The following GADL1 variants were observed in gnomAD, a reference collection of about 807,000 sequenced individuals.
The protein encoded by GADL1 is acidic amino acid decarboxylase GADL1.
Under a neutral mutation model 69.5 loss-of-function variants are expected in GADL1, and 71 were observed. The ratio of observed to expected loss-of-function variants is 1.02; its 90% CI spans 0.84 to 1.25. The LOEUF is 1.25. Ranked by LOEUF, GADL1 falls within the 50% of genes most tolerant of loss-of-function variation. The pLI is 0.00. For synonymous variants in GADL1, 254 were observed against 214.4 expected, an observed-to-expected ratio of 1.18 and a Z score of -1.62; for missense variants, 737 against 631.8, an observed-to-expected ratio of 1.17 and a Z score of -1.79.
At chr3:30,817,511 T>C (rs985250678) in intron 11 of GADL1, among the ~76,000 whole-genome samples, 2 of 152,170 alleles carry the variant, frequency 1.3e-5, no homozygotes, top group African/African-American at 4.8e-5. Flanking sequence ...TCTTTCAAAA[T>C]TGGGAAATGA....
At chr3:30,756,545 A>ATTTGC (rs1695975028) in intron 14 of GADL1, among the ~76,000 whole-genome samples, 1 of 152,128 alleles carries the variant, frequency 6.6e-6, no homozygotes. Context: ...TGGTCTTGGA[A>ATTTGC]TTTGCTTTGG....
chr3:30,758,244 C>T (rs1376312102), intron 14 of GADL1, among the ~76,000 whole-genome samples: 3 of 152,172 alleles, frequency 2.0e-5, no homozygotes, highest in African/African-American at 7.2e-5. Flanking sequence ...TTGCATGCAC[C>T]AAGTATGTAT....
rs574394133 is a variant in GADL1 at position 30,811,445 on chromosome 3, T to C, written c.1051-10357A>G. Among the ~76,000 whole-genome samples the C allele has an allele frequency of 2.6e-5, 4 of 152,296 alleles. No homozygotes were observed. In the East Asian group the frequency reaches 7.7e-4, roughly 29 times the overall value. On this transcript the variant is annotated intron_variant, in intron 11 of 14. Coordinates refer to ENST00000282538, the MANE Select transcript of GADL1 (RefSeq NM_207359.3). ...AAAATAGTACAATCGGTCTTCTCTC[T>C]TAGGACAGATGGAGATTTTTCGATT...
chr3:30,837,329 C>CACAATACAAT (rs1380355998), intron 9 of GADL1, among the ~76,000 whole-genome samples: 2 of 152,014 alleles, frequency 1.3e-5, no homozygotes, highest in African/African-American at 4.8e-5. Context: ...ATTTGACACC[C>CACAATACAAT]ACAATACTAA....
intron 1 of GADL1, among the ~76,000 whole-genome samples, chr3:30,883,821 A>G (rs982340044): frequency 6.6e-6 from 1 of 151,914 alleles, no homozygotes; most frequent in African/African-American, 2.4e-5. Flanking sequence ...TCTTTTAGCA[A>G]TATTTTGTAG....
At chr3:30,855,683 C>T (rs550464476) in intron 3 of GADL1, among the ~76,000 whole-genome samples, 5 of 152,070 alleles carry the variant, frequency 3.3e-5, no homozygotes, top group African/African-American at 9.6e-5. Flanking sequence ...ACCATACACC[C>T]GGCTAACTGG....
chr3:30,828,937 T>C (rs1182656630), intron 11 of GADL1, among the ~76,000 whole-genome samples: 1 of 151,958 alleles, frequency 6.6e-6, no homozygotes, highest in Non-Finnish European at 1.5e-5. Context: ...GAATCATTTA[T>C]ACTTAAAAGG....
chr3:30,763,573 C>T lies in GADL1; in HGVS notation c.1392+14606G>A, dbSNP rs892217698. 2.0e-5 allele frequency among the ~76,000 whole-genome samples: 3 copies of T among 151,790 alleles called. No homozygotes were observed. The East Asian group carries it at 5.8e-4, about 29-fold the overall frequency. On this transcript the variant is annotated intron_variant, in intron 14 of 14. Coordinates refer to ENST00000282538, the MANE Select transcript of GADL1 (RefSeq NM_207359.3). ...TTACACCTAACCTACCAAATATCAC[C>T]ACTTAGCCAAATCTACCTTAAATAT...
chr3:30,851,921 A>G (rs1698153196), intron 4 of GADL1, among the ~76,000 whole-genome samples: 1 of 122,698 alleles, frequency 8.2e-6, no homozygotes, highest in Non-Finnish European at 1.6e-5. Flanking sequence ...TGTAACAGTC[A>G]CCATGCCTTG....
At chr3:30,874,306 G>A (rs765706310) in intron 1 of GADL1, among the ~76,000 whole-genome samples, 23 of 151,914 alleles carry the variant, frequency 1.5e-4, no homozygotes, top group Non-Finnish European at 2.9e-4. Flanking sequence ...AAATGCAGGT[G>A]CCCTGAGGAA....
At chr3:30,734,124 T>C (rs1410855627) in intron 14 of GADL1, among the ~76,000 whole-genome samples, 2 of 152,232 alleles carry the variant, frequency 1.3e-5, no homozygotes, top group African/African-American at 2.4e-5. Context: ...TTTTCTGGTA[T>C]TTATCTCCAT....
intron 11 of GADL1, among the ~76,000 whole-genome samples, chr3:30,803,693 A>AATCC (rs1316195601): frequency 6.6e-6 from 1 of 152,226 alleles, no homozygotes; most frequent in Admixed American, 6.5e-5. Context: ...TTCCTAAAGA[A>AATCC]CAACTGGAGG....
chr3:30,798,238 C>A (rs575685030), intron 12 of GADL1: 1 of 152,688 alleles, frequency 6.5e-6, no homozygotes, highest in African/African-American at 2.4e-5. Flanking sequence ...TTCTCCCCTT[C>A]TGTTTTAGTC....
chr3:30,786,192 C>T (rs1696784968), intron 13 of GADL1, among the ~76,000 whole-genome samples, 163 bp downstream of exon 13: 1 of 152,142 alleles, frequency 6.6e-6, no homozygotes, highest in African/African-American at 2.4e-5. Flanking sequence ...AGGAAAAGTA[C>T]TCACTAATAG....
intron 14 of GADL1, among the ~76,000 whole-genome samples, chr3:30,730,399 C>T (rs970516003): frequency 6.6e-6 from 1 of 152,126 alleles, no homozygotes; most frequent in Non-Finnish European, 1.5e-5. Flanking sequence ...TCACACTAGG[C>T]AAGAGAACTG....
chr3:30,867,330 C>CT (rs1348913146), intron 1 of GADL1, among the ~76,000 whole-genome samples: 2 of 149,102 alleles, frequency 1.3e-5, no homozygotes, highest in Non-Finnish European at 3.0e-5. Flanking sequence ...CTTCAGTTGT[C>CT]TAGCCCCTCT....
rs375046822 is a variant in GADL1 at position 30,748,653 on chromosome 3, C to A, written c.1393-20238G>T. Among the ~76,000 whole-genome samples the A allele has an allele frequency of 1.4e-3, 208 of 152,270 alleles. 5 individuals carry two copies. The South Asian group carries it at 0.041, about 30-fold the overall frequency. On this transcript the variant is annotated intron_variant, in intron 14 of 14. Coordinates refer to ENST00000282538, the MANE Select transcript of GADL1 (RefSeq NM_207359.3). Reference sequence around the variant, plus strand: ...TTAAACATTTTCTGGAACTCAATAGCTTTTATCGTCAGAAAATCGGTACCA... The same window carrying A: ...TTAAACATTTTCTGGAACTCAATAGATTTTATCGTCAGAAAATCGGTACCA...
At chr3:30,776,732 TCTAGTTAGACTGGGGCAAAAATCCCA>T (rs1696549307) in intron 14 of GADL1, among the ~76,000 whole-genome samples, 1 of 152,190 alleles carries the variant, frequency 6.6e-6, no homozygotes, top group Non-Finnish European at 1.5e-5. Context: ...CCCTCTTCCT[TCTAGTTAGACTGGGGCAAAAATCCCA>T]AGCTTTCTGC....
Position 30,778,259 on chromosome 3 carries a change from C to T in GADL1, c.1312G>A (p.Ala438Thr), listed in dbSNP as rs143542109. ...GFKLLMEPEY[A>T]NICFWYIPPS... ...GGAATGTACCAAAAGCAAATATTGG[C>T]ATATTCAGGCTGAGAATTAGAAAAA... Residue 438 changes from alanine (A) to threonine (T), a missense_variant, in exon 14 of 15, where the codon GCC (alanine) becomes ACC (threonine). Coordinates refer to ENST00000282538, the MANE Select transcript of GADL1 (RefSeq NM_207359.3). 5.1e-3 allele frequency: 8,122 copies of T among 1,601,374 alleles called. 36 individuals are homozygous for T. Among genetic ancestry groups the T allele is most frequent in the Non-Finnish European group, 5.7e-3 (6,608 of 1,169,364 alleles).
Sources: gnomAD v4.1 joint callset for allele counts (sites outside exome capture counted in the v4.1 genomes callset) on GRCh38, gnomAD v4.1.1 for gene constraint, MANE v1.5 for transcripts, NCBI Gene and HGNC (gene_info 2026-07-23, HGNC 2026-07-21) for gene names.